AIG1: variants seen among roughly 807,000 people sequenced by gnomAD.
AIG1 encodes the protein androgen induced 1.
A neutral mutation model predicts 31.4 loss-of-function variants in AIG1; 23 were observed. The observed-to-expected ratio is 0.73, with a 90% CI of 0.53 to 1.04. The LOEUF is 1.04. Ranked by LOEUF, AIG1 falls within the 50% of genes least tolerant of loss-of-function variation. The probability of loss-of-function intolerance (pLI) is 0.00; values close to 1 mark genes in which losing one functional copy is unlikely to be tolerated. For missense variants in AIG1, 274 were observed against 295.0 expected (o/e 0.93, Z 0.52); for synonymous variants, 100 against 110.5 (o/e 0.90, Z 0.60).
At chr6:143,118,434 G>C (rs1234200229) in intron 1 of AIG1, among the ~76,000 whole-genome samples, 1 of 150,010 alleles carries the variant, frequency 6.7e-6, no homozygotes, top group Non-Finnish European at 1.5e-5. Flanking sequence ...ACTCCAGCCT[G>C]GCAACAGAGC....
chr6:143,159,368 T>C (rs1786106556), intron 2 of AIG1, among the ~76,000 whole-genome samples: 1 of 152,144 alleles, frequency 6.6e-6, no homozygotes, highest in African/African-American at 2.4e-5. Context: ...TCAGTAGAGA[T>C]AATGAAGAAC....
At chr6:143,307,716 A>G (rs549250652) in intron 4 of AIG1, among the ~76,000 whole-genome samples, 2 of 152,304 alleles carry the variant, frequency 1.3e-5, no homozygotes, top group South Asian at 4.1e-4. Context: ...TGGGAGAACC[A>G]CTGCTCTCTT....
At position 143,075,281 on chromosome 6, in the gene AIG1, A is replaced by G. The variant is rs190084820; in HGVS notation, c.141+14215A>G. Among the ~76,000 whole-genome samples, 13 of 151,720 alleles carry G rather than the reference A, an allele frequency of 8.6e-5. No homozygotes were observed. The East Asian group carries it at 2.5e-3, about 29-fold the overall frequency. On this transcript the variant is annotated intron_variant, in intron 1 of 5. Coordinates refer to ENST00000357847, the MANE Select transcript of AIG1 (RefSeq NM_016108.4). ...TTTTCGTCTATTTTTATTGTTCTCAATTTCATTGATTTCTCTCTTTTTTTG... is the reference window on the plus strand; with the variant it reads ...TTTTCGTCTATTTTTATTGTTCTCAGTTTCATTGATTTCTCTCTTTTTTTG...
intron 3 of AIG1, among the ~76,000 whole-genome samples, chr6:143,250,687 A>G (rs1459499932): frequency 6.6e-6 from 1 of 152,052 alleles, no homozygotes; most frequent in Non-Finnish European, 1.5e-5. Context: ...ACGCCGCTAC[A>G]AGCCAAGGAC....
At position 143,121,077 on chromosome 6, in the gene AIG1, A is replaced by T. The variant is rs1160060917; in HGVS notation, c.142-15758A>T. 3.3e-5 allele frequency among the ~76,000 whole-genome samples: 5 copies of T among 152,204 alleles called. No homozygotes were observed. The South Asian group carries it at 1.0e-3, about 32-fold the overall frequency. On this transcript the variant is annotated intron_variant, in intron 1 of 5. Coordinates refer to ENST00000357847, the MANE Select transcript of AIG1 (RefSeq NM_016108.4). ...TTCCCATAAGGAATACTTTTAGTTA[A>T]TCTATAATTGATTAAAACAATGCTT... is the stretch of plus-strand genomic sequence containing the variant.
At chr6:143,282,318 A>G (rs933805186) in intron 3 of AIG1, among the ~76,000 whole-genome samples, 3 of 152,030 alleles carry the variant, frequency 2.0e-5, no homozygotes, top group Non-Finnish European at 2.9e-5. Context: ...ATCTGCAGGT[A>G]TTTTTCTTTT....
At chr6:143,322,631 G>A (rs939302174) in intron 4 of AIG1, among the ~76,000 whole-genome samples, 2 of 152,210 alleles carry the variant, frequency 1.3e-5, no homozygotes, top group African/African-American at 4.8e-5. Context: ...ACTTTAGAAA[G>A]TGGGACTGCA....
chr6:143,180,855 G>A (rs964516178), intron 3 of AIG1, among the ~76,000 whole-genome samples: 3 of 152,078 alleles, frequency 2.0e-5, no homozygotes, highest in African/African-American at 7.2e-5. Context: ...TGATCCTCAA[G>A]GGAACCTTAA....
chr6:143,096,406 G>T (rs1270360968), intron 1 of AIG1, among the ~76,000 whole-genome samples: 1 of 152,152 alleles, frequency 6.6e-6, no homozygotes, highest in South Asian at 2.1e-4. Flanking sequence ...GCTGGCTAAG[G>T]TATCTCTTCT....
intron 3 of AIG1, among the ~76,000 whole-genome samples, chr6:143,234,441 A>G (rs1324246525): frequency 6.6e-6 from 1 of 152,218 alleles, no homozygotes; most frequent in African/African-American, 2.4e-5. Flanking sequence ...TCCCCAAAGA[A>G]AAGAGAAAAT....
intron 1 of AIG1, among the ~76,000 whole-genome samples, chr6:143,120,885 G>T (rs562623512): frequency 6.6e-6 from 1 of 152,326 alleles, no homozygotes; most frequent in African/African-American, 2.4e-5. Context: ...AAGGTTGTGG[G>T]TTTACTGGAA....
chr6:143,318,140 A>T (rs937945763), intron 4 of AIG1, among the ~76,000 whole-genome samples: 1 of 152,130 alleles, frequency 6.6e-6, no homozygotes, highest in African/African-American at 2.4e-5. Context: ...AGAATTAGAA[A>T]AAACAATCCT....
chr6:143,059,586 T>C (rs1272669894), upstream of AIG1, among the ~76,000 whole-genome samples: 1 of 152,258 alleles, frequency 6.6e-6, no homozygotes, highest in Non-Finnish European at 1.5e-5. Context: ...CTGACATCAG[T>C]TCTATTAGCA....
Position 143,256,460 on chromosome 6 carries a change from T to C in AIG1, c.400-27650T>C, listed in dbSNP as rs1197953940. On this transcript the variant is annotated intron_variant, in intron 3 of 5. Coordinates refer to ENST00000357847, the MANE Select transcript of AIG1 (RefSeq NM_016108.4). This position sits in a 1 kb window ranked among gnomAD's most constrained non-coding sequence, Gnocchi z 4.6. Reference sequence around the variant, plus strand: ...GCTACTGACTTCTTAAACTCGAACGTTGGCTGTTCATTTGCCATCAGTAAA... The same window carrying C: ...GCTACTGACTTCTTAAACTCGAACGCTGGCTGTTCATTTGCCATCAGTAAA... 6.6e-6 allele frequency among the ~76,000 whole-genome samples: 1 copy of C among 152,248 alleles called. No homozygotes were observed. Among genetic ancestry groups the C allele is most frequent in the Non-Finnish European group, 1.5e-5 (1 of 68,036 alleles).
At chr6:143,078,161 A>G (rs1343914359) in intron 1 of AIG1, among the ~76,000 whole-genome samples, 4 of 152,154 alleles carry the variant, frequency 2.6e-5, no homozygotes, top group African/African-American at 7.2e-5. Context: ...GCATCCATCT[A>G]GTGGATTTTT....
At chr6:143,227,855 A>G (rs866061346) in intron 3 of AIG1, among the ~76,000 whole-genome samples, 2 of 152,168 alleles carry the variant, frequency 1.3e-5, no homozygotes, top group Admixed American at 1.3e-4. Flanking sequence ...AGAATGGAAG[A>G]GCATGGGTTG....
intron 3 of AIG1, among the ~76,000 whole-genome samples, chr6:143,227,899 C>T (rs1380157868): frequency 3.3e-5 from 5 of 152,158 alleles, no homozygotes; most frequent in African/African-American, 4.8e-5. Flanking sequence ...CTCAGCAATT[C>T]CCCCAGAGCT....
chr6:143,296,976 G>A (rs1168393741), intron 4 of AIG1, among the ~76,000 whole-genome samples: 1 of 152,198 alleles, frequency 6.6e-6, no homozygotes, highest in Non-Finnish European at 1.5e-5. Context: ...ATTATGCCAG[G>A]TGCAGGAGGT....
chr6:143,312,613 A>G (rs908766015), intron 4 of AIG1, among the ~76,000 whole-genome samples: 2 of 152,122 alleles, frequency 1.3e-5, no homozygotes, highest in African/African-American at 4.8e-5. Flanking sequence ...CCACTATAAG[A>G]AACATTGGGG....
Sources: allele counts gnomAD v4.1 joint callset (sites outside exome capture counted in the v4.1 genomes callset), GRCh38; gene constraint gnomAD v4.1.1; non-coding constraint Gnocchi (gnomAD v3.1); transcripts MANE v1.5; gene names NCBI Gene and HGNC (gene_info 2026-07-23, HGNC 2026-07-21).